The following PTPRG variants were observed in gnomAD, a reference collection of about 807,000 sequenced individuals.
The protein encoded by PTPRG is receptor-type tyrosine-protein phosphatase gamma.
PTPRG carries 102 observed loss-of-function variants against 165.3 expected under a neutral mutation model. That is an observed-to-expected ratio of 0.62 (90% CI 0.53 to 0.73). The LOEUF is 0.73. PTPRG is among the 30% of genes least tolerant of loss of function. The probability of loss-of-function intolerance (pLI) is 0.00; values close to 1 mark genes in which losing one functional copy is unlikely to be tolerated. For synonymous variants in PTPRG, 675 were observed against 669.5 expected, an observed-to-expected ratio of 1.01 and a Z score of -0.13; for missense variants, 1,866 against 1,861.4, an observed-to-expected ratio of 1.00 and a Z score of -0.05.
At chr3:61,905,332 G>A (rs2107528739) in intron 2 of PTPRG, among the ~76,000 whole-genome samples, 1 of 152,220 alleles carries the variant, frequency 6.6e-6, no homozygotes, top group South Asian at 2.1e-4. Flanking sequence ...AAACGGTCTT[G>A]TCATGCGCTT....
chr3:61,959,557 T>A (rs745320835), intron 2 of PTPRG, among the ~76,000 whole-genome samples: 10 of 152,214 alleles, frequency 6.6e-5, no homozygotes, highest in Non-Finnish European at 1.3e-4. Flanking sequence ...TGAATCCTGC[T>A]GAGTGTCTTG....
At position 61,593,691 on chromosome 3, in the gene PTPRG, G is replaced by T. The variant is rs977356953; in HGVS notation, c.85+31319G>T. On this transcript the variant is annotated intron_variant, in intron 1 of 29. Coordinates refer to ENST00000474889, the MANE Select transcript of PTPRG (RefSeq NM_002841.4). ...TTTAATGAGGAGAGAAGTTAGAAAA[G>T]GGGGTCAGGAAAACTGGAAAAAAAA... Among the ~76,000 whole-genome samples the T allele has an allele frequency of 2.0e-4, 28 of 140,562 alleles. No homozygotes were observed. In the Middle Eastern group the frequency reaches 0.022, roughly 109 times the overall value. 92.2% of individuals were successfully genotyped at this position (140,562 alleles called of 152,430 possible). A position where few individuals can be genotyped will look rare whatever the true frequency, so the allele number is the denominator to read the frequency against.
At position 61,995,050 on chromosome 3, in the gene PTPRG, TTTTTTTC is replaced by T. The variant is rs1247457685; in HGVS notation, c.370+5265_370+5271del. On this transcript the variant is annotated intron_variant, in intron 3 of 29. Coordinates refer to ENST00000474889, the MANE Select transcript of PTPRG (RefSeq NM_002841.4). ...CTTTAGATGGGTACCTTACAGGTTT[TTTTTTTC>T]TTTTTTCTTTTTTCTTTTCTTTCTT... 2.0e-3 allele frequency among the ~76,000 whole-genome samples: 227 copies of T among 112,588 alleles called. 1 individual carries two copies. The Middle Eastern group carries it at 0.039, about 19-fold the overall frequency. The allele number at this position is 112,588 out of a possible 152,430, so 73.9% of individuals were successfully genotyped here.
At chr3:62,123,007 T>G (rs1275869065) in intron 5 of PTPRG, among the ~76,000 whole-genome samples, 1 of 152,198 alleles carries the variant, frequency 6.6e-6, no homozygotes, top group African/African-American at 2.4e-5. Context: ...ATTCCGCTAC[T>G]CAGTTCTTGG....
intron 4 of PTPRG, among the ~76,000 whole-genome samples, chr3:62,056,120 G>A (rs923149866): frequency 1.1e-4 from 17 of 152,146 alleles, no homozygotes; most frequent in African/African-American, 3.4e-4. Context: ...AATATTGTAC[G>A]TTTTAAAATT....
At chr3:62,134,052 T>A (rs111671895) in intron 6 of PTPRG, among the ~76,000 whole-genome samples, 14 of 152,278 alleles carry the variant, frequency 9.2e-5, no homozygotes, top group African/African-American at 2.9e-4. Context: ...ACTAGCCCCA[T>A]TCTTCAGGGC....
chr3:62,189,037 A>G (rs1699737471), intron 8 of PTPRG, among the ~76,000 whole-genome samples: 1 of 151,966 alleles, frequency 6.6e-6, no homozygotes, highest in East Asian at 1.9e-4. Context: ...CCTAGTGCCC[A>G]CGTTCTGTCA....
chr3:61,686,650 C>G (rs181210038), intron 1 of PTPRG, among the ~76,000 whole-genome samples: 1 of 152,220 alleles, frequency 6.6e-6, no homozygotes, highest in Admixed American at 6.5e-5. Context: ...ACCTGACAGC[C>G]CATTAATAGG....
At chr3:61,749,102 T>G in intron 2 of PTPRG, 120 bp downstream of exon 2, 3 of 861,902 alleles carry the variant, frequency 3.5e-6, no homozygotes, top group Non-Finnish European at 5.7e-6. Context: ...TCTTTCGTAG[T>G]TCACTAAAAG....
chr3:61,931,049 C>T (rs1342878769), intron 2 of PTPRG, among the ~76,000 whole-genome samples: 1 of 152,158 alleles, frequency 6.6e-6, no homozygotes, highest in Non-Finnish European at 1.5e-5. Flanking sequence ...TGACAGAGTG[C>T]AGCGCCTAAT....
chr3:62,227,732 C>T (rs1331967027), intron 13 of PTPRG, among the ~76,000 whole-genome samples: 1 of 152,144 alleles, frequency 6.6e-6, no homozygotes, highest in African/African-American at 2.4e-5. Flanking sequence ...GACAGAGTTC[C>T]TGCATTTAAG....
chr3:62,220,163 C>G (rs1559670152), intron 13 of PTPRG, among the ~76,000 whole-genome samples: 1 of 152,206 alleles, frequency 6.6e-6, no homozygotes, highest in Non-Finnish European at 1.5e-5. Context: ...GACGTGAAGA[C>G]AGGGGTAAGG....
intron 2 of PTPRG, among the ~76,000 whole-genome samples, chr3:61,953,882 C>T (rs1439291980): frequency 6.6e-6 from 1 of 151,046 alleles, no homozygotes; most frequent in South Asian, 2.1e-4. Context: ...GTACAATCTG[C>T]TGCTCTCTTC....
At chr3:61,562,476 G>A (rs1268174947) in intron 1 of PTPRG, 104 bp downstream of exon 1, 16 of 1,098,870 alleles carry the variant, frequency 1.5e-5, no homozygotes, top group African/African-American at 3.1e-5. Flanking sequence ...GGAGACCCTG[G>A]AGAGGGTGGA....
intron 2 of PTPRG, among the ~76,000 whole-genome samples, chr3:61,938,752 A>C (rs2039541041): frequency 6.6e-6 from 1 of 152,114 alleles, no homozygotes; most frequent in Non-Finnish European, 1.5e-5. Context: ...GAAAATGAAA[A>C]TTTTCATTAT....
chr3:61,856,292 G>A (rs1359342550), intron 2 of PTPRG, among the ~76,000 whole-genome samples: 1 of 152,012 alleles, frequency 6.6e-6, no homozygotes, highest in African/African-American at 2.4e-5. Context: ...TACCCATTGA[G>A]CAGTCACTCC....
At chr3:61,946,569 G>A (rs960158532) in intron 2 of PTPRG, among the ~76,000 whole-genome samples, 1 of 152,190 alleles carries the variant, frequency 6.6e-6, no homozygotes, top group African/African-American at 2.4e-5. Flanking sequence ...GCTGTGCATG[G>A]TTGAATTTAC....
rs1010895858 is a variant in PTPRG at position 62,192,279 on chromosome 3, A to G, written c.1218+626A>G. 6.6e-5 allele frequency among the ~76,000 whole-genome samples: 10 copies of G among 151,806 alleles called. No individual in the cohort carries two copies. The East Asian group carries it at 9.7e-4, about 15-fold the overall frequency. Reference sequence around the variant, plus strand: ...CTTTGGGCTACACGTGCCTAATTCAATGTCTCCTCTAAAAATTTACATAAA... The same window carrying G: ...CTTTGGGCTACACGTGCCTAATTCAGTGTCTCCTCTAAAAATTTACATAAA... On this transcript the variant is annotated intron_variant, in intron 9 of 29. Transcript: ENST00000474889.
chr3:61,874,997 A>C (rs898229301), intron 2 of PTPRG, among the ~76,000 whole-genome samples: 6 of 152,220 alleles, frequency 3.9e-5, no homozygotes, highest in African/African-American at 1.4e-4. Context: ...CATCAGGTAT[A>C]TGGGATGAGC....
Sources: gnomAD v4.1 joint callset for allele counts (sites outside exome capture counted in the v4.1 genomes callset) on GRCh38, gnomAD v4.1.1 for gene constraint, MANE v1.5 for transcripts, NCBI Gene and HGNC (gene_info 2026-07-23, HGNC 2026-07-21) for gene names.